SLC25A19: variants seen among roughly 807,000 people sequenced by gnomAD.
SLC25A19 encodes the protein solute carrier family 25 member 19.
A neutral mutation model predicts 27.9 loss-of-function variants in SLC25A19; 18 were observed. That is an observed-to-expected ratio of 0.64 (90% CI 0.45 to 0.96). SLC25A19 has a LOEUF of 0.96. Ranked by LOEUF, SLC25A19 falls within the 40% of genes least tolerant of loss-of-function variation. The pLI is 0.00. For missense variants in SLC25A19, 371 were observed against 418.3 expected (o/e 0.89, Z 0.99); for synonymous variants, 169 against 167.1 (o/e 1.01, Z -0.09).
In SLC25A19 at chr17:75,277,494, G is replaced by A. The variant is rs753395862; in HGVS notation, c.644-11C>T. The stretch of plus-strand genomic sequence containing the variant: ...GGTTTTGGAGGTTCTCTGAACCAGA[G>A]AAGTGGGATTGGGAGAATGGATGAG... On this transcript the variant is annotated splice_polypyrimidine_tract_variant and intron_variant, in intron 6 of 7. Transcript: ENST00000416858. 5.0e-6 allele frequency: 8 copies of A among 1,613,862 alleles called. 1 individual carries two copies. In the South Asian group the frequency reaches 8.8e-5, roughly 18 times the overall value.
intron 4 of SLC25A19, among the ~76,000 whole-genome samples, chr17:75,285,909 A>ACAGCTGACTTCTCCTCCCT (rs1189959158): frequency 1.3e-4 from 20 of 152,154 alleles, no homozygotes; most frequent in Non-Finnish European, 2.6e-4. Context: ...GTGGCCTCGG[A>ACAGCTGACTTCTCCTCCCT]CAGCTGACTT....
At chr17:75,277,186 T>C (rs1211513001) in intron 7 of SLC25A19, among the ~76,000 whole-genome samples, 167 bp downstream of exon 7, 1 of 151,714 alleles carries the variant, frequency 6.6e-6, no homozygotes, top group Non-Finnish European at 1.5e-5. Context: ...GACCCAGGGC[T>C]TGCATGCAGC....
chr17:75,280,019 A>C (rs2077998801), intron 5 of SLC25A19, among the ~76,000 whole-genome samples: 1 of 133,380 alleles, frequency 7.5e-6, no homozygotes, highest in African/African-American at 2.6e-5. Flanking sequence ...TAAACAAATT[A>C]TCCTTCCTTT....
chr17:75,278,168 G>C lies in SLC25A19; in HGVS notation c.627C>G (p.Ala209=), dbSNP rs752580419. 6.2e-7 allele frequency: 1 copy of C among 1,613,642 alleles called. No individual in the cohort carries two copies. Among genetic ancestry groups the C allele is most frequent in the East Asian group, 2.2e-5 (1 of 44,864 alleles). Residue 209 remains alanine, a synonymous_variant, in exon 6 of 8, where the codon GCC becomes GCG. Transcript: ENST00000416858. ...CTGCCTCACCATTTTTCTTTCCTTC[G>C]GCTGGTATGGCCCACTTGTACAGGT... The part of the protein sequence containing the change: ...LKHLYKWAIP[A]EGKKNENLQN...
rs761816336 is a variant in SLC25A19 at position 75,278,350 on chromosome 17, G to A, written c.460-15C>T. 10 of 1,613,676 alleles carry A rather than the reference G, an allele frequency of 6.2e-6. No homozygotes were observed. The highest frequency in any genetic ancestry group is 1.7e-5 in the Admixed American group (1 of 59,984). On this transcript the variant is annotated splice_polypyrimidine_tract_variant and intron_variant, in intron 5 of 7. Transcript: ENST00000416858. ...GTATTATAGACCTGGACACACACACGCACTTTGAATGAGCTCAGTGAAGTG... is the reference window on the plus strand; with the variant it reads ...GTATTATAGACCTGGACACACACACACACTTTGAATGAGCTCAGTGAAGTG...
intron 7 of SLC25A19, 128 bp downstream of exon 7, chr17:75,277,225 A>G: frequency 8.2e-7 from 1 of 1,213,338 alleles, no homozygotes; most frequent in Non-Finnish European, 1.2e-6. Context: ...ATCTCAAGGA[A>G]TGGACGCAGG....
Position 75,283,071 on chromosome 17 carries a change from G to A in SLC25A19, c.459+352C>T, listed in dbSNP as rs1001756937. On this transcript the variant is annotated intron_variant, in intron 5 of 7. Transcript: ENST00000416858. ...TCCTAGCACTTTGGGAGGCCGAGGC[G>A]GGCGGATCGTGAGGTCAGGAGATCG... Among the ~76,000 whole-genome samples the A allele has an allele frequency of 1.8e-4, 27 of 150,916 alleles. No individual in the cohort carries two copies. In the East Asian group the frequency reaches 4.3e-3, roughly 24 times the overall value.
Position 75,276,712 on chromosome 17 carries a change from T to C in SLC25A19, c.774+641A>G, listed in dbSNP as rs1244272268. 2.7e-5 allele frequency among the ~76,000 whole-genome samples: 4 copies of C among 148,636 alleles called. No homozygotes were observed. In the East Asian group the frequency reaches 6.0e-4, roughly 22 times the overall value. ...TTTTTTGAGATGGAGTCTTGCTCTG[T>C]TGCCCAGGCTGGAGTGCAGTGGCGC... On this transcript the variant is annotated intron_variant, in intron 7 of 7. Transcript: ENST00000416858.
chr17:75,282,621 C>T (rs774478924), intron 5 of SLC25A19, among the ~76,000 whole-genome samples: 17 of 151,792 alleles, frequency 1.1e-4, no homozygotes, highest in Non-Finnish European at 2.4e-4. Context: ...TTTGGGAGGC[C>T]GAGGCAGGCG....
Position 75,277,424 on chromosome 17 carries a change from A to G in SLC25A19, c.703T>C (p.Tyr235His), listed in dbSNP as rs767724870. Residue 235 changes from tyrosine to histidine, a missense_variant, in exon 7 of 8, where the codon TAT (tyrosine) becomes CAT (histidine). Coordinates refer to ENST00000416858, the MANE Select transcript of SLC25A19 (RefSeq NM_001126121.2). The stretch of plus-strand genomic sequence containing the variant: ...CGCTTCTTGAAGAGGTCCAGCGGAT[A>G]TGTCAGGGTCTTGCTGATGACACCA... ...GAGVISKTLT[Y>H]PLDLFKKRLQ... is the part of the protein sequence containing the mutation. 6.2e-7 allele frequency: 1 copy of G among 1,614,118 alleles called. No homozygotes were observed. Among genetic ancestry groups the G allele is most frequent in the Non-Finnish European group, 8.5e-7 (1 of 1,180,010 alleles).
intron 7 of SLC25A19, among the ~76,000 whole-genome samples, chr17:75,274,310 G>A (rs769765761): frequency 5.9e-5 from 9 of 151,940 alleles, no homozygotes; most frequent in East Asian, 1.9e-4. Context: ...GCTCTCAGCC[G>A]GGCCTCCCTG....
chr17:75,283,279 T>TGACA, intron 5 of SLC25A19, 144 bp downstream of exon 5: 2 of 899,478 alleles, frequency 2.2e-6, no homozygotes, highest in Non-Finnish European at 3.2e-6. Context: ...CCAGCCTGCA[T>TGACA]GACAGAGCGA....
intron 5 of SLC25A19, among the ~76,000 whole-genome samples, chr17:75,282,735 C>A (rs1402418119): frequency 2.0e-5 from 3 of 151,322 alleles, no homozygotes; most frequent in Non-Finnish European, 4.4e-5. Flanking sequence ...ACCTGTAGTC[C>A]CAGCTACTCG....
At chr17:75,276,615 G>A (rs974644137) in intron 7 of SLC25A19, among the ~76,000 whole-genome samples, 6 of 149,592 alleles carry the variant, frequency 4.0e-5, no homozygotes, top group African/African-American at 1.5e-4. Flanking sequence ...TGATCCACTC[G>A]TCTCGGCCTC....
At chr17:75,280,674 G>A (rs763082759) in intron 5 of SLC25A19, among the ~76,000 whole-genome samples, 6 of 151,662 alleles carry the variant, frequency 4.0e-5, no homozygotes, top group African/African-American at 9.7e-5. Context: ...TTAGCCAGGC[G>A]CGGTGGTGGG....
chr17:75,276,262 CAA>C (rs2077884261), intron 7 of SLC25A19, among the ~76,000 whole-genome samples: 1 of 152,140 alleles, frequency 6.6e-6, no homozygotes, highest in African/African-American at 2.4e-5. Context: ...GCAACAAGAG[CAA>C]AACTCCGTTT....
At chr17:75,281,942 G>A (rs898581023) in intron 5 of SLC25A19, among the ~76,000 whole-genome samples, 3 of 152,052 alleles carry the variant, frequency 2.0e-5, no homozygotes, top group Non-Finnish European at 2.9e-5. Context: ...CTGAAAACCC[G>A]AACCTCTCCC....
chr17:75,279,693 G>A (rs954587871), intron 5 of SLC25A19, among the ~76,000 whole-genome samples: 1 of 152,014 alleles, frequency 6.6e-6, no homozygotes, highest in Non-Finnish European at 1.5e-5. Flanking sequence ...ATTTTTAGTA[G>A]AGACGGGGTT....
At position 75,281,151 on chromosome 17, in the gene SLC25A19, T is replaced by C. The variant is rs140583302; in HGVS notation, c.459+2272A>G. ...AAGCTGCAGCAAGCTATTGCAGCCA[T>C]TGTACTCCAGCCTGGGTGACAGATC... On this transcript the variant is annotated intron_variant, in intron 5 of 7. Transcript: ENST00000416858. Among the ~76,000 whole-genome samples, 432 of 152,082 alleles carry C rather than the reference T, an allele frequency of 2.8e-3. 6 individuals carry two copies. Among genetic ancestry groups the C allele is most frequent in the African/African-American group, 0.01 (422 of 41,502 alleles).
Sources: gnomAD v4.1 joint callset for allele counts (sites outside exome capture counted in the v4.1 genomes callset) on GRCh38, gnomAD v4.1.1 for gene constraint, MANE v1.5 for transcripts, NCBI Gene and HGNC (gene_info 2026-07-23, HGNC 2026-07-21) for gene names.